The following TANC2 variants were observed in gnomAD, a reference collection of about 807,000 sequenced individuals.
The protein encoded by TANC2 is protein TANC2.
Under a neutral mutation model 210.5 loss-of-function variants are expected in TANC2, and 26 were observed. That is an observed-to-expected ratio of 0.12 (90% CI 0.09 to 0.17). TANC2 has a LOEUF of 0.17. Ranked by LOEUF, TANC2 falls within the 10% of genes least tolerant of loss-of-function variation. The pLI is 1.00. For synonymous variants in TANC2, 931 were observed against 967.1 expected, an observed-to-expected ratio of 0.96 and a Z score of 0.69; for missense variants, 2,129 against 2,608.9, an observed-to-expected ratio of 0.82 and a Z score of 4.01.
intron 7 of TANC2, among the ~76,000 whole-genome samples, chr17:63,224,017 C>G (rs2042263794): frequency 6.6e-6 from 1 of 152,086 alleles, no homozygotes; most frequent in African/African-American, 2.4e-5. Flanking sequence ...CAAAGAGCTC[C>G]AACTTCCTTT....
At chr17:63,027,891 A>G (rs553419573) in intron 2 of TANC2, among the ~76,000 whole-genome samples, 1 of 152,184 alleles carries the variant, frequency 6.6e-6, no homozygotes, top group Admixed American at 6.5e-5. Flanking sequence ...TTTGACCTTA[A>G]AAACAAGTTC....
intron 3 of TANC2, among the ~76,000 whole-genome samples, chr17:63,082,608 T>A (rs1229085681): frequency 1.3e-5 from 2 of 152,236 alleles, no homozygotes; most frequent in Non-Finnish European, 2.9e-5. Flanking sequence ...AATTTTCTGA[T>A]CGTCCTATGA....
chr17:63,128,690 G>A (rs1234522473), intron 4 of TANC2, among the ~76,000 whole-genome samples: 1 of 152,160 alleles, frequency 6.6e-6, no homozygotes, highest in African/African-American at 2.4e-5. Flanking sequence ...TGTCGGTGTA[G>A]GATAAGAGGA....
intron 4 of TANC2, among the ~76,000 whole-genome samples, chr17:63,115,030 T>C (rs921377313): frequency 1.3e-5 from 2 of 152,214 alleles, no homozygotes; most frequent in Non-Finnish European, 2.9e-5. Flanking sequence ...CTGGTATCTC[T>C]CTAATGCAAA....
intron 5 of TANC2, among the ~76,000 whole-genome samples, chr17:63,169,778 C>T (rs1211536120): frequency 4.0e-5 from 6 of 151,790 alleles, no homozygotes; most frequent in Non-Finnish European, 8.8e-5. Context: ...CCCGCTATTG[C>T]ACTCCAGCCT....
intron 3 of TANC2, among the ~76,000 whole-genome samples, chr17:63,094,451 T>C (rs1477901067): frequency 6.6e-6 from 1 of 152,210 alleles, no homozygotes; most frequent in East Asian, 1.9e-4. Context: ...AGTAAACTTT[T>C]ATTGAAGCAT....
intron 9 of TANC2, among the ~76,000 whole-genome samples, chr17:63,309,183 G>A (rs1243252191): frequency 6.6e-6 from 1 of 152,076 alleles, no homozygotes; most frequent in Non-Finnish European, 1.5e-5. Flanking sequence ...GTGTATGTAT[G>A]TATGTGTTAG....
At chr17:63,027,304 A>T (rs1449852850) in intron 2 of TANC2, among the ~76,000 whole-genome samples, 1 of 152,106 alleles carries the variant, frequency 6.6e-6, no homozygotes, top group Non-Finnish European at 1.5e-5. Flanking sequence ...TGAGAGTGCA[A>T]CGAAGAAAAA....
chr17:62,990,081 C>T (rs1598200440), intron 1 of TANC2, among the ~76,000 whole-genome samples: 1 of 151,976 alleles, frequency 6.6e-6, no homozygotes, highest in Non-Finnish European at 1.5e-5. Context: ...CCGGCCAAGG[C>T]ATGCTTTTTG....
At chr17:62,992,988 G>A (rs1272815127) in intron 1 of TANC2, among the ~76,000 whole-genome samples, 1 of 152,158 alleles carries the variant, frequency 6.6e-6, no homozygotes, top group Non-Finnish European at 1.5e-5. Context: ...ACCTTTTCCA[G>A]CTTCTGGAGG....
In TANC2 at chr17:63,007,232, A is replaced by G. The variant is rs80214178; in HGVS notation, c.-23-2305A>G. On this transcript the variant is annotated intron_variant, in intron 1 of 27. Coordinates refer to ENST00000689528, the Ensembl canonical transcript of TANC2. The stretch of plus-strand genomic sequence containing the variant: ...TGACAACATGAGACCCTGTCTCAAT[A>G]TAGACAAAAGAGTTATGCTATCTTC... Among the ~76,000 whole-genome samples the G allele has an allele frequency of 2.7e-4, 41 of 152,316 alleles. No homozygotes were observed. In the East Asian group the frequency reaches 7.9e-3, roughly 29 times the overall value.
At chr17:63,415,383 C>A in intron 25 of TANC2, 145 bp from the exon 26 acceptor site, 1 of 1,042,402 alleles carries the variant, frequency 9.6e-7, no homozygotes, top group Non-Finnish European at 1.4e-6. Context: ...CCCTCACCAT[C>A]AGGGCCAGAA....
At chr17:63,242,833 A>G (rs1211258228) in intron 8 of TANC2, among the ~76,000 whole-genome samples, 1 of 152,218 alleles carries the variant, frequency 6.6e-6, no homozygotes, top group African/African-American at 2.4e-5. Context: ...CCACAGCAAC[A>G]TACATGAATC....
intron 1 of TANC2, among the ~76,000 whole-genome samples, chr17:63,003,003 G>A (rs2033456504): frequency 6.6e-6 from 1 of 152,180 alleles, no homozygotes; most frequent in Admixed American, 6.5e-5. Context: ...GTGGAGTCAT[G>A]CATTAGGTGT....
intron 4 of TANC2, among the ~76,000 whole-genome samples, chr17:63,123,922 T>G (rs999410075): frequency 6.6e-6 from 1 of 151,972 alleles, no homozygotes; most frequent in South Asian, 2.1e-4. Flanking sequence ...AGGCTGGTCT[T>G]GAATGTCTGA....
At chr17:62,984,598 C>A (rs1462713660) in intron 1 of TANC2, among the ~76,000 whole-genome samples, 1 of 152,084 alleles carries the variant, frequency 6.6e-6, no homozygotes, top group Non-Finnish European at 1.5e-5. Flanking sequence ...GCATTTATCA[C>A]TGTACACTTG....
At chr17:63,318,074 A>G (rs1284492979) in intron 10 of TANC2, among the ~76,000 whole-genome samples, 3 of 152,200 alleles carry the variant, frequency 2.0e-5, no homozygotes, top group African/African-American at 7.2e-5. Flanking sequence ...TGACCAAGAA[A>G]TTTACTGCAC....
At chr17:63,374,961 A>AG (rs34591180) in intron 14 of TANC2, among the ~76,000 whole-genome samples, 8 of 152,062 alleles carry the variant, frequency 5.3e-5, no homozygotes, top group East Asian at 1.9e-4. Flanking sequence ...AATATAGGAG[A>AG]GGGGGGAAAT....
intron 1 of TANC2, among the ~76,000 whole-genome samples, chr17:62,988,645 C>T (rs142452004): frequency 6.6e-6 from 1 of 152,278 alleles, no homozygotes; most frequent in Admixed American, 6.5e-5. Flanking sequence ...CTTTGGGTTA[C>T]AGCCAAAAGT....
Sources: allele counts gnomAD v4.1 joint callset (sites outside exome capture counted in the v4.1 genomes callset), GRCh38; gene constraint gnomAD v4.1.1; transcripts MANE v1.5; gene names NCBI Gene and HGNC (gene_info 2026-07-23, HGNC 2026-07-21).